Variants in MYO1E observed in about 807,000 individuals in gnomAD.
The protein encoded by MYO1E is myosin IE.
Under a neutral mutation model 151.1 loss-of-function variants are expected in MYO1E, and 68 were observed. The ratio of observed to expected loss-of-function variants is 0.45; its 90% CI spans 0.37 to 0.55. MYO1E has a LOEUF of 0.55. Ranked by LOEUF, MYO1E falls within the 20% of genes least tolerant of loss-of-function variation. The pLI is 0.00. For synonymous variants in MYO1E, 601 were observed against 501.7 expected (o/e 1.20, Z -2.64); for missense variants, 1,363 against 1,389.3 (o/e 0.98, Z 0.30).
intron 1 of MYO1E, among the ~76,000 whole-genome samples, chr15:59,324,670 C>CCCA (rs530400364): frequency 4.0e-5 from 6 of 151,698 alleles, no homozygotes; most frequent in East Asian, 3.9e-4. Context: ...CAAGCCCCCC[C>CCCA]CCCACAGAGG....
At chr15:59,173,970 A>T (rs1199378866) in intron 20 of MYO1E, 55 bp from the exon 21 acceptor site, 2 of 1,581,148 alleles carry the variant, frequency 1.3e-6, no homozygotes, top group Non-Finnish European at 1.7e-6. Flanking sequence ...CAGAAAAGGG[A>T]GGAAAATACT....
intron 1 of MYO1E, among the ~76,000 whole-genome samples, chr15:59,285,350 CTTTT>C (rs368001329): frequency 2.7e-5 from 2 of 74,054 alleles, no homozygotes; most frequent in African/African-American, 5.3e-5. Flanking sequence ...GACACTGTCT[CTTTT>C]TTTTTTTTTT....
chr15:59,237,644 C>T (rs74418049), intron 4 of MYO1E, among the ~76,000 whole-genome samples: 1,814 of 152,210 alleles, frequency 0.012, 42 homozygotes, highest in African/African-American at 0.041. Flanking sequence ...TATTTTTGTT[C>T]GCGCTTCGCG....
At position 59,300,922 on chromosome 15, in the gene MYO1E, C is replaced by T. The variant is rs1477445150; in HGVS notation, c.4-28473G>A. On this transcript the variant is annotated intron_variant, in intron 1 of 27. Coordinates refer to ENST00000288235, the MANE Select transcript of MYO1E (RefSeq NM_004998.4). ...TTGCTCTGTTGCCCAGGCTAGAGTG[C>T]ACTGGCACCATGCCAGCTCATTGCA... Among the ~76,000 whole-genome samples the T allele has an allele frequency of 4.3e-5, 6 of 138,918 alleles. No homozygotes were observed. The Admixed American group carries it at 4.7e-4, about 11-fold the overall frequency. 91.1% of individuals were successfully genotyped at this position (138,918 alleles called of 152,430 possible).
At position 59,151,889 on chromosome 15, in the gene MYO1E, T is replaced by TACACACACACACAC. The variant is rs34550013; in HGVS notation, c.3080+1687_3080+1700dup. Among the ~76,000 whole-genome samples, 791 of 147,230 alleles carry TACACACACACACAC rather than the reference T, an allele frequency of 5.4e-3. 10 individuals carry two copies. The highest frequency in any genetic ancestry group is 0.019 in the African/African-American group (761 of 40,228). On this transcript the variant is annotated intron_variant, in intron 26 of 27. Transcript: ENST00000288235. The stretch of plus-strand genomic sequence containing the variant: ...AGTGAAACTCTTGTCTCTACAAAAA[T>TACACACACACACAC]ACACACACACACACACACACACACA...
At chr15:59,306,247 C>T (rs1413601198) in intron 1 of MYO1E, among the ~76,000 whole-genome samples, 8 of 152,262 alleles carry the variant, frequency 5.3e-5, no homozygotes, top group African/African-American at 1.9e-4. Context: ...ATTACATGTA[C>T]ATTATTATAG....
intron 1 of MYO1E, among the ~76,000 whole-genome samples, chr15:59,351,978 CA>C (rs2080825994): frequency 6.6e-6 from 1 of 152,180 alleles, no homozygotes; most frequent in Non-Finnish European, 1.5e-5. Context: ...TCTGGCCTGA[CA>C]AAATCTGTTC....
At chr15:59,204,833 A>G (rs1596363875) in intron 15 of MYO1E, among the ~76,000 whole-genome samples, 1 of 152,328 alleles carries the variant, frequency 6.6e-6, no homozygotes, top group East Asian at 1.9e-4. Context: ...GACCATGAAG[A>G]AGAGCTCAGG....
At chr15:59,193,622 G>A (rs972944983) in intron 17 of MYO1E, among the ~76,000 whole-genome samples, 3 of 152,066 alleles carry the variant, frequency 2.0e-5, no homozygotes, top group Non-Finnish European at 2.9e-5. Context: ...GAAACACGAC[G>A]GTCACCTCGA....
At chr15:59,303,291 T>C (rs188987873) in intron 1 of MYO1E, among the ~76,000 whole-genome samples, 6 of 152,166 alleles carry the variant, frequency 3.9e-5, no homozygotes, top group African/African-American at 1.4e-4. Context: ...GGCATGTGCC[T>C]GTAGTTCTAG....
chr15:59,280,886 G>A (rs1205382983), intron 1 of MYO1E, among the ~76,000 whole-genome samples: 2 of 152,038 alleles, frequency 1.3e-5, no homozygotes, highest in East Asian at 1.9e-4. Context: ...CTAATCTCAC[G>A]TCAGGAACTG....
At chr15:59,181,098 A>T (rs1468355645) in intron 18 of MYO1E, among the ~76,000 whole-genome samples, 1 of 152,018 alleles carries the variant, frequency 6.6e-6, no homozygotes. Context: ...GAGGACACAA[A>T]CATCCTGGCA....
At chr15:59,289,196 T>G (rs1385892065) in intron 1 of MYO1E, among the ~76,000 whole-genome samples, 2 of 152,218 alleles carry the variant, frequency 1.3e-5, no homozygotes, top group Non-Finnish European at 2.9e-5. Context: ...GCTCTCTGCT[T>G]CCAGTCCCTC....
Position 59,209,668 on chromosome 15 carries a change from G to A in MYO1E, c.1363-820C>T, listed in dbSNP as rs1467441790. On this transcript the variant is annotated intron_variant, in intron 13 of 27. Coordinates refer to ENST00000288235, the MANE Select transcript of MYO1E (RefSeq NM_004998.4). ...TCTAGCCTGGGCAACCGAGCGAGAC[G>A]TCTCTCAAAATAAATAAATAAACAT... Among the ~76,000 whole-genome samples, 5 of 151,628 alleles carry A rather than the reference G, an allele frequency of 3.3e-5. No individual in the cohort carries two copies. In the South Asian group the frequency reaches 6.2e-4, roughly 19 times the overall value.
intron 10 of MYO1E, among the ~76,000 whole-genome samples, chr15:59,217,489 A>T (rs1293073463): frequency 1.3e-5 from 2 of 148,566 alleles, no homozygotes. Flanking sequence ...AGGAGCCAGA[A>T]CAGGAACACA....
At chr15:59,227,653 C>A (rs2080000297) in intron 6 of MYO1E, 63 bp from the exon 7 acceptor site, 1 of 1,581,780 alleles carries the variant, frequency 6.3e-7, no homozygotes, top group East Asian at 2.2e-5. Flanking sequence ...CCCAAACAGG[C>A]TTTGAATACA....
intron 19 of MYO1E, among the ~76,000 whole-genome samples, 197 bp downstream of exon 19, chr15:59,178,196 G>A (rs777611995): frequency 1.3e-4 from 20 of 152,170 alleles, no homozygotes; most frequent in Non-Finnish European, 2.5e-4. Flanking sequence ...GAAATGAACC[G>A]GGCAGTGATG....
intron 27 of MYO1E, 138 bp downstream of exon 27, chr15:59,138,058 CTG>C: frequency 4.9e-6 from 5 of 1,010,352 alleles, no homozygotes; most frequent in Non-Finnish European, 6.2e-6. Context: ...CTTGATCAGA[CTG>C]AGCCTGAGGC....
intron 13 of MYO1E, among the ~76,000 whole-genome samples, chr15:59,209,675 AAAAT>A (rs1172794676): frequency 1.1e-4 from 17 of 152,162 alleles, no homozygotes; most frequent in East Asian, 3.9e-4. Context: ...GACGTCTCTC[AAAAT>A]AAATAAATAA....
Sources: gnomAD v4.1 joint callset for allele counts (sites outside exome capture counted in the v4.1 genomes callset) on GRCh38, gnomAD v4.1.1 for gene constraint, MANE v1.5 for transcripts, NCBI Gene and HGNC (gene_info 2026-07-23, HGNC 2026-07-21) for gene names.